RANGAP1: variants seen among roughly 807,000 people sequenced by gnomAD.
RANGAP1 encodes the protein Ran GTPase activating protein 1.
In RANGAP1, 38 loss-of-function variants were observed where a neutral mutation model predicts 63.5. That is an observed-to-expected ratio of 0.60 (90% CI 0.46 to 0.78). The LOEUF (loss-of-function observed/expected upper bound fraction) is 0.78, where lower values mean the gene tolerates loss of function less well. Ranked by LOEUF, RANGAP1 falls within the 30% of genes least tolerant of loss-of-function variation. The pLI is 0.00. For missense variants in RANGAP1, 630 were observed against 740.3 expected, an observed-to-expected ratio of 0.85 and a Z score of 1.73; for synonymous variants, 329 against 310.5, an observed-to-expected ratio of 1.06 and a Z score of -0.63.
At position 41,274,610 on chromosome 22, in the gene RANGAP1, G is replaced by C. The variant is rs751377621; in HGVS notation, c.230C>G (p.Ser77Trp). ...RVIAKALEKKSELKRCHWSDM... is the reference protein window; with the variant it reads ...RVIAKALEKKWELKRCHWSDM... ...CCCCACTCTGCTCACCTTCAACTCC[G>C]ACTTCTTCTCTAAGGCCTTGGCGAT... The change falls in exon 3 of 16, where the codon TCG (serine) becomes TGG (tryptophan). Residue 77 changes from serine (S) to tryptophan (W), a missense_variant. Coordinates refer to ENST00000356244, the MANE Select transcript of RANGAP1 (RefSeq NM_002883.4). 1 of 1,613,924 alleles carries C rather than the reference G, an allele frequency of 6.2e-7. No homozygotes were observed. The highest frequency in any genetic ancestry group is 8.5e-7 in the Non-Finnish European group (1 of 1,179,976).
upstream of RANGAP1, among the ~76,000 whole-genome samples, chr22:41,287,370 C>CA (rs2035775190): frequency 1.3e-5 from 1 of 79,524 alleles, no homozygotes; most frequent in South Asian, 4.8e-4. Context: ...ACACAAACAG[C>CA]GTTTTTTTTT....
intron 5 of RANGAP1, among the ~76,000 whole-genome samples, chr22:41,261,849 G>A (rs1036707410): frequency 6.6e-6 from 1 of 152,236 alleles, no homozygotes; most frequent in Non-Finnish European, 1.5e-5. Flanking sequence ...CTCAGGAAAG[G>A]GAGAGACCAC....
At chr22:41,258,975 G>C (rs1003484252) in intron 6 of RANGAP1, among the ~76,000 whole-genome samples, 2 of 152,058 alleles carry the variant, frequency 1.3e-5, no homozygotes, top group Non-Finnish European at 2.9e-5. Context: ...TTCTTGACAG[G>C]CTAACTCATA....
chr22:41,275,385 G>A (rs1034676094), intron 2 of RANGAP1, among the ~76,000 whole-genome samples: 6 of 150,786 alleles, frequency 4.0e-5, no homozygotes, highest in African/African-American at 1.2e-4. Context: ...CCAGCTACTC[G>A]GGAGGCTGAG....
At chr22:41,272,669 C>T (rs1172865514) in intron 3 of RANGAP1, among the ~76,000 whole-genome samples, 4 of 152,112 alleles carry the variant, frequency 2.6e-5, no homozygotes, top group African/African-American at 4.8e-5. Flanking sequence ...TACAGGCACA[C>T]GCCACCACAC....
chr22:41,272,685 A>T (rs1391720348), intron 3 of RANGAP1, among the ~76,000 whole-genome samples: 1 of 151,940 alleles, frequency 6.6e-6, no homozygotes, highest in Non-Finnish European at 1.5e-5. Flanking sequence ...CACACCCAGC[A>T]AATTTTTGTA....
At chr22:41,290,380 C>A (rs1284486274), upstream of RANGAP1, among the ~76,000 whole-genome samples, 1 of 152,076 alleles carries the variant, frequency 6.6e-6, no homozygotes, top group Non-Finnish European at 1.5e-5. Flanking sequence ...CAGGTTCCCA[C>A]CACCATGCCC....
At chr22:41,266,583 C>T (rs1247264299) in intron 4 of RANGAP1, among the ~76,000 whole-genome samples, 1 of 152,142 alleles carries the variant, frequency 6.6e-6, no homozygotes, top group African/African-American at 2.4e-5. Flanking sequence ...CCCAAGGTTG[C>T]AATGCAATGG....
At chr22:41,273,461 G>C (rs900073409) in intron 3 of RANGAP1, among the ~76,000 whole-genome samples, 3 of 152,068 alleles carry the variant, frequency 2.0e-5, no homozygotes, top group Admixed American at 6.6e-5. Flanking sequence ...GCACCACTTG[G>C]ATCTAACCTT....
intron 15 of RANGAP1, 113 bp from the exon 16 acceptor site, chr22:41,246,785 A>G: frequency 9.8e-7 from 1 of 1,015,406 alleles, no homozygotes; most frequent in Non-Finnish European, 1.5e-6. Context: ...ACGACTCAGC[A>G]AGAGAGACAT....
intron 3 of RANGAP1, among the ~76,000 whole-genome samples, chr22:41,268,811 T>C (rs572727840): frequency 1.6e-4 from 24 of 152,072 alleles, no homozygotes; most frequent in African/African-American, 4.1e-4. Flanking sequence ...TCCCAGCACT[T>C]TGGGAGGCCG....
intron 12 of RANGAP1, 35 bp downstream of exon 12, chr22:41,252,837 C>G: frequency 6.5e-7 from 1 of 1,531,048 alleles, no homozygotes; most frequent in Non-Finnish European, 8.8e-7. Context: ...GAAGCCACAG[C>G]ACGTACAGCG....
chr22:41,263,446 G>A (rs906367595), intron 5 of RANGAP1, among the ~76,000 whole-genome samples: 6 of 152,152 alleles, frequency 3.9e-5, no homozygotes, highest in Admixed American at 1.3e-4. Flanking sequence ...GTGCAGTGGC[G>A]CCATCTCGGC....
intron 1 of RANGAP1, chr22:41,285,389 G>C: frequency 1.6e-6 from 1 of 614,890 alleles, no homozygotes; most frequent in African/African-American, 2.0e-5. Flanking sequence ...CTGGAGCACA[G>C]AAACGTAAAT....
the RANGAP1 span, among the ~76,000 whole-genome samples, chr22:41,291,880 G>A: frequency 5.7e-4 from 87 of 151,498 alleles, no homozygotes; most frequent in African/African-American, 1.8e-3. Flanking sequence ...CAGCCTGGGC[G>A]ACAGAGCGAG....
intron 6 of RANGAP1, among the ~76,000 whole-genome samples, chr22:41,258,934 C>G (rs567069903): frequency 6.6e-6 from 1 of 152,196 alleles, no homozygotes; most frequent in Admixed American, 6.5e-5. Flanking sequence ...GGATTACAGA[C>G]GTGAGATACC....
At chr22:41,295,418 G>A in the RANGAP1 span, among the ~76,000 whole-genome samples, 4 of 152,148 alleles carry the variant, frequency 2.6e-5, no homozygotes, top group African/African-American at 9.7e-5. Flanking sequence ...TGTGCTCTCT[G>A]AAACATGTGC....
Position 41,249,353 on chromosome 22 carries a change from G to C in RANGAP1, c.1671C>G (p.Pro557=), listed in dbSNP as rs1172241403. Residue 557 remains proline (P), a synonymous_variant, in exon 15 of 16, where the codon CCC becomes CCG. Transcript: ENST00000356244. ...QQDYFPKALA[P]LLLAFVTKPN... is the part of the protein sequence containing the mutation. ...ACTTGGTCACGAACGCCAGCAGCAG[G>C]GGTGCAAGGGCCTTGGGGAAATAGT... The C allele has an allele frequency of 4.3e-6, 7 of 1,609,354 alleles. No homozygotes were observed. The highest frequency in any genetic ancestry group is 5.1e-6 in the Non-Finnish European group (6 of 1,177,136).
intron 1 of RANGAP1, chr22:41,281,558 C>A: frequency 1.0e-6 from 1 of 988,910 alleles, no homozygotes; most frequent in South Asian, 4.6e-5. Flanking sequence ...GAATGCCCCA[C>A]CACCCACGCT....
Sources: gnomAD v4.1 joint callset for allele counts (sites outside exome capture counted in the v4.1 genomes callset) on GRCh38, gnomAD v4.1.1 for gene constraint, MANE v1.5 for transcripts, NCBI Gene and HGNC (gene_info 2026-07-23, HGNC 2026-07-21) for gene names.